The following SPATA13 variants were observed in gnomAD, a reference collection of about 807,000 sequenced individuals.
The protein encoded by SPATA13 is spermatogenesis-associated protein 13.
Under a neutral mutation model 104.0 loss-of-function variants are expected in SPATA13, and 50 were observed. The observed-to-expected ratio is 0.48, with a 90% CI of 0.38 to 0.61. The LOEUF (loss-of-function observed/expected upper bound fraction) is 0.61. SPATA13 is among the 20% of genes least tolerant of loss of function. The pLI, the probability that SPATA13 is intolerant of heterozygous loss-of-function variation, is 0.00. For missense variants in SPATA13, 1,524 were observed against 1,690.6 expected, an observed-to-expected ratio of 0.90 and a Z score of 1.73; for synonymous variants, 606 against 667.5, an observed-to-expected ratio of 0.91 and a Z score of 1.42.
At chr13:24,108,778 G>A (rs921544853) in intron 3 of SPATA13, among the ~76,000 whole-genome samples, 10 of 152,040 alleles carry the variant, frequency 6.6e-5, no homozygotes, top group Non-Finnish European at 1.5e-5. Flanking sequence ...AGTTCCTTGG[G>A]ATTTTTCGGA....
intron 4 of SPATA13, among the ~76,000 whole-genome samples, chr13:24,277,361 G>A (rs8001551): frequency 0.26 from 39,054 of 150,340 alleles, 5,561 homozygotes; most frequent in African/African-American, 0.38. Context: ...GGAGAATGGC[G>A]TGAACCTAGG....
In SPATA13 at chr13:24,011,398, C is replaced by T. The variant is rs901125057; in HGVS notation, c.-146-6269C>T. ...CTGAGGACTCAGGGATCCCTGAGAC[C>T]GTTCTGGGCAGGTCTGGCTTGCTGC... On this transcript the variant is annotated intron_variant, in intron 2 of 14. Coordinates refer to the SPATA13 transcript ENST00000424834. This position sits in a 1 kb window ranked among gnomAD's most constrained non-coding sequence, Gnocchi z 4.3. 7.9e-5 allele frequency among the ~76,000 whole-genome samples: 12 copies of T among 152,194 alleles called. No homozygotes were observed. The highest frequency in any genetic ancestry group is 4.1e-4 in the South Asian group (2 of 4,832).
intron 3 of SPATA13, among the ~76,000 whole-genome samples, chr13:24,116,080 A>G (rs1880824775): frequency 6.6e-6 from 1 of 152,200 alleles, no homozygotes; most frequent in Admixed American, 6.5e-5. Flanking sequence ...GAGTATATAG[A>G]TGTCCTAGAC....
chr13:24,006,211 T>G (rs764247090), intron 2 of SPATA13, among the ~76,000 whole-genome samples: 1 of 152,182 alleles, frequency 6.6e-6, no homozygotes, highest in Non-Finnish European at 1.5e-5. Context: ...TAAATGTCAG[T>G]GTTCATTAGT....
chr13:24,073,140 T>A (rs1879224862), intron 3 of SPATA13, among the ~76,000 whole-genome samples: 1 of 152,132 alleles, frequency 6.6e-6, no homozygotes, highest in Non-Finnish European at 1.5e-5. Context: ...ATCATTAGGT[T>A]GAAGTGTAGA....
intron 1 of SPATA13, among the ~76,000 whole-genome samples, chr13:24,197,401 A>G (rs1870121146): frequency 6.6e-6 from 1 of 152,212 alleles, no homozygotes; most frequent in Admixed American, 6.5e-5. Flanking sequence ...TGTATCATGA[A>G]TATGTGTCAG....
rs764848463 is a variant in SPATA13, at chr13:24,223,970, CA to C, written c.1042del (p.Ser348AlafsTer2). The C allele has an allele frequency of 6.5e-7, 1 of 1,549,170 alleles. No homozygotes were observed. The highest frequency in any genetic ancestry group is 1.2e-5 in the South Asian group (1 of 83,908). On this transcript the variant is annotated frameshift_variant, in exon 2 of 13. Transcript: ENST00000382108. LOFTEE classifies it high-confidence loss of function. ...GTGGGGCCCCATCCCCTGGAGAGGC[CA>C]GCCTGAGACTTCAGGCACACAGCCG... ...RSGAPSPGEA[S>X]LRLQAHSRLH...
rs138692743 is a variant in SPATA13, at chr13:23,985,879, C to T, written c.-147+1946C>T. Among the ~76,000 whole-genome samples the T allele has an allele frequency of 2.8e-3, 429 of 152,288 alleles. 3 individuals carry two copies. Among genetic ancestry groups the T allele is most frequent in the African/African-American group, 9.9e-3 (410 of 41,570 alleles). On this transcript the variant is annotated intron_variant, in intron 2 of 14. Coordinates refer to the SPATA13 transcript ENST00000424834. ...AGAGGACAACAGCCAGCGGTCCATA[C>T]GCTGAGACGGATGGGAGAAGAGACA...
chr13:24,255,232 T>C (rs1267017423), intron 4 of SPATA13, among the ~76,000 whole-genome samples: 1 of 152,112 alleles, frequency 6.6e-6, no homozygotes, highest in Non-Finnish European at 1.5e-5. Context: ...AGGAGTTCTC[T>C]TTGAGAAGCT....
intron 9 of SPATA13, among the ~76,000 whole-genome samples, chr13:24,291,821 A>G (rs1056336293): frequency 2.7e-5 from 4 of 149,242 alleles, no homozygotes; most frequent in Non-Finnish European, 5.9e-5. Flanking sequence ...CAGTGGCGCA[A>G]TCTCGGCTCA....
Position 24,223,241 on chromosome 13 carries a change from C to T in SPATA13, c.312C>T (p.Thr104=), listed in dbSNP as rs764531445. The change falls in exon 2 of 13, where the codon ACC becomes ACT. Residue 104 remains threonine (T), a synonymous_variant. Coordinates refer to ENST00000382108, the MANE Select transcript of SPATA13 (RefSeq NM_001166271.3). ...TGGGGAACTCCTCCACATGGAACACCCTCGCCTCCTTCCGGAAAATGGGAT... is the reference window on the plus strand; with the variant it reads ...TGGGGAACTCCTCCACATGGAACACTCTCGCCTCCTTCCGGAAAATGGGAT... ...VLVGNSSTWN[T]LASFRKMGSF... The T allele has an allele frequency of 6.4e-7, 1 of 1,551,724 alleles. No homozygotes were observed. Among genetic ancestry groups the T allele is most frequent in the Non-Finnish European group, 8.7e-7 (1 of 1,147,012 alleles).
chr13:24,176,445 C>A (rs1868440466), intron 1 of SPATA13, among the ~76,000 whole-genome samples: 1 of 152,126 alleles, frequency 6.6e-6, no homozygotes, highest in South Asian at 2.1e-4. Context: ...CCAAATAAAT[C>A]ATAGTATTTG....
At chr13:24,249,406 A>G (rs893141409) in intron 2 of SPATA13, 71 bp from the exon 3 acceptor site, 1 of 1,444,930 alleles carries the variant, frequency 6.9e-7, no homozygotes. Context: ...GGTGAGAGGG[A>G]ATGTATGGCT....
At chr13:24,274,467 T>G (rs1874834003) in intron 4 of SPATA13, among the ~76,000 whole-genome samples, 1 of 152,218 alleles carries the variant, frequency 6.6e-6, no homozygotes, top group Admixed American at 6.5e-5. Flanking sequence ...TGGGAACCAC[T>G]GAAGGGGGAT....
intron 1 of SPATA13, among the ~76,000 whole-genome samples, chr13:24,210,814 G>A (rs1460188167): frequency 7.1e-6 from 1 of 141,250 alleles, no homozygotes; most frequent in Non-Finnish European, 1.5e-5. Context: ...CCATGGCATT[G>A]AATCTGTAGA....
At position 24,203,161 on chromosome 13, in the gene SPATA13, T is replaced by C. The variant is rs113206133; in HGVS notation, c.-111-19658T>C. ...CTCCCTCCCCACAGGCCCCAGTGTG[T>C]GTTGTTCCCCTCCATGTGAAATGAT... On this transcript the variant is annotated intron_variant, in intron 1 of 12. Transcript: ENST00000382108. 3.6e-3 allele frequency among the ~76,000 whole-genome samples: 531 copies of C among 148,948 alleles called. 3 individuals carry two copies. The highest frequency in any genetic ancestry group is 0.012 in the African/African-American group (488 of 40,786).
chr13:24,244,081 G>A (rs573583831), intron 2 of SPATA13, among the ~76,000 whole-genome samples: 36 of 152,312 alleles, frequency 2.4e-4, no homozygotes, highest in East Asian at 9.6e-4. Context: ...GCCTCTTCCA[G>A]CTTGCAGTGG....
intron 2 of SPATA13, among the ~76,000 whole-genome samples, chr13:24,245,557 A>G (rs976816692): frequency 1.3e-5 from 2 of 149,152 alleles, no homozygotes; most frequent in African/African-American, 2.5e-5. Context: ...AACTGTATAA[A>G]TACTGAACGT....
In SPATA13 at chr13:24,289,784, C is replaced by T. The variant is rs184242228; in HGVS notation, c.2847+606C>T. 2.6e-3 allele frequency among the ~76,000 whole-genome samples: 395 copies of T among 152,252 alleles called. 3 individuals are homozygous for T. Among genetic ancestry groups the T allele is most frequent in the African/African-American group, 8.9e-3 (370 of 41,524 alleles). On this transcript the variant is annotated intron_variant, in intron 8 of 12. Transcript: ENST00000382108. ...TTATGATTGACTATTACTACTTAAC[C>T]GCTAAAGGATTTCAGAGGAAGATTT...
Sources: allele counts gnomAD v4.1 joint callset (sites outside exome capture counted in the v4.1 genomes callset), GRCh38; gene constraint gnomAD v4.1.1; non-coding constraint Gnocchi (gnomAD v3.1); transcripts MANE v1.5; gene names NCBI Gene and HGNC (gene_info 2026-07-23, HGNC 2026-07-21).